The following EFCAB5 variants were observed in gnomAD, a reference collection of about 807,000 sequenced individuals.
EFCAB5 encodes the protein EF-hand calcium-binding domain-containing protein 5.
In EFCAB5, 131 loss-of-function variants were observed where a neutral mutation model predicts 167.9. The observed-to-expected ratio is 0.78, with a 90% CI of 0.68 to 0.90. The LOEUF is 0.90. Among genes scored for constraint, EFCAB5 ranks in the 40% least tolerant of loss-of-function variants. The pLI is 0.00. For missense variants in EFCAB5, 1,663 were observed against 1,745.2 expected, an observed-to-expected ratio of 0.95 and a Z score of 0.84; for synonymous variants, 574 against 602.8, an observed-to-expected ratio of 0.95 and a Z score of 0.70.
intron 1 of EFCAB5, among the ~76,000 whole-genome samples, chr17:29,934,897 C>T (rs2067232370): frequency 6.6e-6 from 1 of 152,134 alleles, no homozygotes; most frequent in African/African-American, 2.4e-5. Context: ...AGTAACTCCT[C>T]AGGCTGAATA....
At position 29,993,332 on chromosome 17, in the gene EFCAB5, TG is replaced by T; in HGVS notation, c.924+16del. On this transcript the variant is annotated intron_variant, in intron 5 of 22. Coordinates refer to ENST00000394835, the MANE Select transcript of EFCAB5 (RefSeq NM_198529.4). ...ATTCCTAAGTCAGTGGTAAGAAAATTGGGGGTATATGTGAAAGGTAGGTGGG... is the reference window on the plus strand; with the variant it reads ...ATTCCTAAGTCAGTGGTAAGAAAATTGGGGTATATGTGAAAGGTAGGTGGG... The T allele has an allele frequency of 1.2e-6, 2 of 1,606,778 alleles. No individual in the cohort carries two copies. Among genetic ancestry groups the T allele is most frequent in the South Asian group, 1.1e-5 (1 of 90,038 alleles).
At chr17:30,059,413 A>T in intron 13 of EFCAB5, 132 bp from the exon 14 acceptor site, 1 of 969,010 alleles carries the variant, frequency 1.0e-6, no homozygotes, top group Non-Finnish European at 1.4e-6. Context: ...ATTTTCCCTT[A>T]ATATCATGCT....
chr17:30,022,728 A>G (rs1159951252), intron 7 of EFCAB5, among the ~76,000 whole-genome samples: 2 of 152,220 alleles, frequency 1.3e-5, no homozygotes, highest in African/African-American at 4.8e-5. Flanking sequence ...GTTTTGTTTT[A>G]TAAGTCAAGT....
At chr17:30,096,115 G>A (rs1406882203) in intron 22 of EFCAB5, among the ~76,000 whole-genome samples, 2 of 152,106 alleles carry the variant, frequency 1.3e-5, no homozygotes, top group East Asian at 1.9e-4. Context: ...CAAGAGAAGG[G>A]TATAACACTC....
chr17:29,955,018 A>T (rs149263405), intron 3 of EFCAB5, among the ~76,000 whole-genome samples: 2 of 152,280 alleles, frequency 1.3e-5, no homozygotes, highest in East Asian at 3.9e-4. Context: ...TTTGGAATGG[A>T]TGTATACCCA....
At chr17:30,033,755 T>G (rs1267330396) in intron 7 of EFCAB5, among the ~76,000 whole-genome samples, 1 of 152,178 alleles carries the variant, frequency 6.6e-6, no homozygotes, top group Non-Finnish European at 1.5e-5. Context: ...ACAAAGGATA[T>G]CTTATTGCAA....
intron 16 of EFCAB5, 114 bp from the exon 17 acceptor site, chr17:30,080,639 G>C (rs2070969575): frequency 1.3e-6 from 1 of 778,760 alleles, no homozygotes; most frequent in South Asian, 1.9e-5. Flanking sequence ...TGAGTCCACT[G>C]CTCGGTCATA....
chr17:30,055,810 C>G, intron 10 of EFCAB5, 78 bp from the exon 11 acceptor site: 1 of 1,473,492 alleles, frequency 6.8e-7, no homozygotes, highest in South Asian at 1.3e-5. Flanking sequence ...CAATGCATTT[C>G]TATCACTTAT....
In EFCAB5 at chr17:30,040,276, T is replaced by C. The variant is rs142245521; in HGVS notation, c.1200+5891T>C. On this transcript the variant is annotated intron_variant, in intron 8 of 22. Transcript: ENST00000394835. ...AGCCTCCATCTTCCAAAACCAATTTTACCTCGTTTCTCCAATGACAAGGGG... is the reference window on the plus strand; with the variant it reads ...AGCCTCCATCTTCCAAAACCAATTTCACCTCGTTTCTCCAATGACAAGGGG... Among the ~76,000 whole-genome samples the C allele has an allele frequency of 6.4e-3, 977 of 152,348 alleles. 8 individuals carry two copies. The highest frequency in any genetic ancestry group is 0.022 in the African/African-American group (935 of 41,582).
chr17:29,992,142 A>T (rs558046853), intron 4 of EFCAB5, among the ~76,000 whole-genome samples: 1 of 152,024 alleles, frequency 6.6e-6, no homozygotes. Flanking sequence ...CATTTCCCCC[A>T]TTCCCAGCCT....
In EFCAB5 at chr17:29,943,656, A is replaced by C; in HGVS notation, c.190+7A>C. ...GATGAAATCAAATCCCAAGGTAGAG[A>C]ACTAGCCTTTCTCTTATACAATAGA... On this transcript the variant is annotated splice_region_variant and intron_variant, in intron 3 of 22. Transcript: ENST00000394835. The C allele has an allele frequency of 1.9e-6, 3 of 1,564,364 alleles. No homozygotes were observed. Among genetic ancestry groups the C allele is most frequent in the African/African-American group, 1.4e-5 (1 of 73,782 alleles).
upstream of EFCAB5, among the ~76,000 whole-genome samples, chr17:29,938,951 T>C (rs188133630): frequency 4.6e-5 from 7 of 152,328 alleles, no homozygotes; most frequent in Admixed American, 1.3e-4. Context: ...CTTAATGACA[T>C]CTAGAATGGT....
chr17:30,106,471 T>A (rs187168960), intron 22 of EFCAB5, among the ~76,000 whole-genome samples: 44 of 152,082 alleles, frequency 2.9e-4, no homozygotes, highest in South Asian at 1.0e-3. Context: ...TATTATTATT[T>A]TTTGAAATGG....
At chr17:30,073,673 G>A (rs1208702160) in intron 14 of EFCAB5, 1 of 712,148 alleles carries the variant, frequency 1.4e-6, no homozygotes, top group Non-Finnish European at 2.6e-6. Context: ...TTTTCCTCTT[G>A]AGACCAAATT....
chr17:30,025,573 A>G (rs1443946889), intron 7 of EFCAB5, among the ~76,000 whole-genome samples: 2 of 152,212 alleles, frequency 1.3e-5, no homozygotes, highest in Non-Finnish European at 2.9e-5. Context: ...TGTTGGTGGG[A>G]CTGTAAACTA....
In EFCAB5 at chr17:29,968,990, G is replaced by C; in HGVS notation, c.390G>C (p.Gln130His). The change falls in exon 4 of 23, where the codon CAG (glutamine) becomes CAC (histidine). Residue 130 changes from glutamine to histidine, a missense_variant. Coordinates refer to ENST00000394835, the MANE Select transcript of EFCAB5 (RefSeq NM_198529.4). ...ERMEARAQAM[Q>H]QKIIDKENLK... The stretch of plus-strand genomic sequence containing the variant: ...TGGAGGCAAGAGCCCAAGCAATGCA[G>C]CAGAAAATAATAGATAAGGAAAATC... The C allele has an allele frequency of 6.3e-7, 1 of 1,589,274 alleles. No homozygotes were observed. Among genetic ancestry groups the C allele is most frequent in the African/African-American group, 1.4e-5 (1 of 74,012 alleles).
chr17:30,045,699 C>T (rs1304177491), intron 8 of EFCAB5, among the ~76,000 whole-genome samples: 2 of 151,776 alleles, frequency 1.3e-5, no homozygotes, highest in African/African-American at 2.4e-5. Context: ...CCCCTCTCTA[C>T]AAAAAATAAA....
chr17:29,962,552 C>A (rs2067740926), intron 3 of EFCAB5, among the ~76,000 whole-genome samples: 1 of 151,410 alleles, frequency 6.6e-6, no homozygotes, highest in Non-Finnish European at 1.5e-5. Context: ...CTCACTGCAC[C>A]CTTGAACTCC....
At chr17:30,016,168 T>G (rs1170465650) in intron 7 of EFCAB5, among the ~76,000 whole-genome samples, 1 of 152,214 alleles carries the variant, frequency 6.6e-6, no homozygotes, top group Non-Finnish European at 1.5e-5. Context: ...TTCTGTGGGT[T>G]GTTTTTTAAC....
Sources: allele counts gnomAD v4.1 joint callset (sites outside exome capture counted in the v4.1 genomes callset), GRCh38; gene constraint gnomAD v4.1.1; transcripts MANE v1.5; gene names NCBI Gene and HGNC (gene_info 2026-07-23, HGNC 2026-07-21).